Variants in RBPJ observed in about 807,000 individuals in gnomAD.
RBPJ encodes recombining binding protein suppressor of hairless.
RBPJ carries 9 observed loss-of-function variants against 67.8 expected under a neutral mutation model. The ratio of observed to expected loss-of-function variants is 0.13; its 90% CI spans 0.08 to 0.23. RBPJ has a LOEUF of 0.23. RBPJ is among the 10% of genes least tolerant of loss of function. The pLI is 1.00. For synonymous variants in RBPJ, 198 were observed against 203.3 expected, an observed-to-expected ratio of 0.97 and a Z score of 0.22; for missense variants, 305 against 595.6, an observed-to-expected ratio of 0.51 and a Z score of 5.08.
intron 1 of RBPJ, chr4:26,343,132 T>A (rs1219758988): frequency 6.6e-6 from 1 of 152,218 alleles, no homozygotes; most frequent in Non-Finnish European, 1.5e-5. Flanking sequence ...ACACTTGCAA[T>A]GAATTCTGTG....
chr4:26,252,393 C>T (rs1187275018), intron 1 of RBPJ, among the ~76,000 whole-genome samples: 1 of 152,008 alleles, frequency 6.6e-6, no homozygotes, highest in African/African-American at 2.4e-5. Context: ...CCCAGGAGTT[C>T]GAGACCAGTT....
chr4:26,413,989 G>A (rs1482409163), intron 3 of RBPJ, among the ~76,000 whole-genome samples: 1 of 152,086 alleles, frequency 6.6e-6, no homozygotes, highest in East Asian at 1.9e-4. Context: ...GTGTGAGTGG[G>A]TATATATACA....
rs893938625 is a variant in RBPJ at position 26,433,511 on chromosome 4, G to A, written c.*2504G>A. On this transcript the variant is annotated 3_prime_UTR_variant, in exon 11 of 11. Transcript: ENST00000355476. ...TTCAAGTTCATGACCTTATTAAAAT[G>A]AACTTGTGTTTTTTTAACAAACATG... 7 of 152,136 alleles carry A rather than the reference G, an allele frequency of 4.6e-5. No homozygotes were observed. The highest frequency in any genetic ancestry group is 1.7e-4 in the African/African-American group (7 of 41,414). The allele number at this position is 152,136 out of a possible 1,614,324, so 9.4% of individuals were successfully genotyped here. A position where few individuals can be genotyped will look rare whatever the true frequency, so the allele number is the denominator to read the frequency against.
intron 1 of RBPJ, among the ~76,000 whole-genome samples, chr4:26,232,658 G>A (rs1480791353): frequency 2.6e-5 from 4 of 152,078 alleles, no homozygotes; most frequent in Non-Finnish European, 5.9e-5. Flanking sequence ...CAACAACAAC[G>A]ATAATAATAA....
rs531752521 is a variant in RBPJ at position 26,300,165 on chromosome 4, A to C, written c.-166-62281A>C. On this transcript the variant is annotated intron_variant, in intron 1 of 4. Transcript: ENST00000512351. Reference sequence around the variant, plus strand: ...AGAGTGTCCTTGGCCAAATCACTTGAATTTTGGGAGCCTTGTTTCTTCCTG... The same window carrying C: ...AGAGTGTCCTTGGCCAAATCACTTGCATTTTGGGAGCCTTGTTTCTTCCTG... 4.0e-5 allele frequency among the ~76,000 whole-genome samples: 6 copies of C among 151,706 alleles called. No individual in the cohort carries two copies. In the South Asian group the frequency reaches 1.3e-3, roughly 32 times the overall value.
chr4:26,244,186 T>C (rs7658106), intron 1 of RBPJ, among the ~76,000 whole-genome samples: 21,091 of 124,538 alleles, frequency 0.17, 2,212 homozygotes, highest in Non-Finnish European at 0.19. Flanking sequence ...CATATATGTA[T>C]ACATATATGT....
intron 1 of RBPJ, among the ~76,000 whole-genome samples, chr4:26,165,477 G>A (rs1327046955): frequency 6.6e-6 from 1 of 152,114 alleles, no homozygotes; most frequent in African/African-American, 2.4e-5. Flanking sequence ...ATACAAAATA[G>A]GCAAGGGTTA....
intron 1 of RBPJ, among the ~76,000 whole-genome samples, chr4:26,378,408 A>C (rs1459930022): frequency 1.3e-5 from 2 of 152,142 alleles, no homozygotes; most frequent in African/African-American, 4.8e-5. Context: ...CTTTCATATG[A>C]GAAGTTAATG....
intron 2 of RBPJ, among the ~76,000 whole-genome samples, chr4:26,395,597 C>T (rs1337129761): frequency 6.6e-6 from 1 of 152,064 alleles, no homozygotes; most frequent in Admixed American, 6.6e-5. Context: ...GAGTCTGGCA[C>T]CTCCCTTCCC....
intron 1 of RBPJ, among the ~76,000 whole-genome samples, chr4:26,304,076 A>G (rs1171566899): frequency 1.3e-5 from 2 of 152,118 alleles, no homozygotes; most frequent in Non-Finnish European, 2.9e-5. Context: ...TGCTGTCTCT[A>G]TAGATTTGCC....
rs71643604 is a variant in RBPJ, at chr4:26,254,843, A to ATTTTTTTTTTTTT, written c.-167+91254_-167+91266dup. ...CAGGTGCATGCCACCATGCCCAGCT[A>ATTTTTTTTTTTTT]TTTTTTTTTTTTTTTTTTTTTTTTT... is the stretch of plus-strand genomic sequence containing the variant. On this transcript the variant is annotated intron_variant, in intron 1 of 4. Transcript: ENST00000512351. 1.8e-4 allele frequency among the ~76,000 whole-genome samples: 3 copies of ATTTTTTTTTTTTT among 16,548 alleles called. 1 individual carries two copies. Among genetic ancestry groups the ATTTTTTTTTTTTT allele is most frequent in the Admixed American group, 1.5e-3 (2 of 1,296 alleles). 10.9% of individuals were successfully genotyped at this position (16,548 alleles called of 152,430 possible). A position where few individuals can be genotyped will look rare whatever the true frequency, so the allele number is the denominator to read the frequency against.
intron 1 of RBPJ, among the ~76,000 whole-genome samples, chr4:26,257,030 C>T (rs942734538): frequency 4.6e-5 from 7 of 152,188 alleles, no homozygotes; most frequent in Non-Finnish European, 8.8e-5. Context: ...ACAAAACGAT[C>T]AGTCCATTAA....
intron 3 of RBPJ, among the ~76,000 whole-genome samples, chr4:26,407,711 A>G (rs1577633558): frequency 6.6e-6 from 1 of 152,218 alleles, no homozygotes; most frequent in Non-Finnish European, 1.5e-5. Flanking sequence ...TTGTGAAAGG[A>G]ATGAGTAGAA....
intron 1 of RBPJ, among the ~76,000 whole-genome samples, chr4:26,303,412 C>CTG: frequency 7.3e-6 from 1 of 137,570 alleles, no homozygotes; most frequent in South Asian, 2.2e-4. Flanking sequence ...CTACAGTGAG[C>CTG]TGTGATTGTG....
chr4:26,167,533 A>T lies in RBPJ; in HGVS notation c.-167+3919A>T, dbSNP rs1195120661. Among the ~76,000 whole-genome samples the T allele has an allele frequency of 2.1e-5, 3 of 145,758 alleles. No individual in the cohort carries two copies. In the Admixed American group the frequency reaches 2.1e-4, roughly 10 times the overall value. ...CTCTCTGTTTGTCTGTTATTGGTGT[A>T]TAAGAATGCTTGTGATTTTTGTACA... is the stretch of plus-strand genomic sequence containing the variant. On this transcript the variant is annotated intron_variant, in intron 1 of 4. Coordinates refer to the RBPJ transcript ENST00000512351.
intron 1 of RBPJ, among the ~76,000 whole-genome samples, chr4:26,369,161 G>A (rs565870041): frequency 3.9e-5 from 6 of 152,284 alleles, no homozygotes; most frequent in African/African-American, 1.4e-4. Context: ...TGGCAGAACA[G>A]GTCATACTCT....
intron 1 of RBPJ, among the ~76,000 whole-genome samples, chr4:26,277,274 C>CAA (rs754017128): frequency 3.4e-4 from 38 of 113,432 alleles, no homozygotes; most frequent in Middle Eastern, 5.0e-3. Flanking sequence ...CCTGTTTGTT[C>CAA]AAAAAAAAAA....
chr4:26,318,129 GCACACA>G (rs33941779), upstream of RBPJ, among the ~76,000 whole-genome samples: 390 of 146,840 alleles, frequency 2.7e-3, no homozygotes, highest in Middle Eastern at 7.2e-3. Flanking sequence ...ACACACACAC[GCACACA>G]CACACACACA....
upstream of RBPJ, among the ~76,000 whole-genome samples, chr4:26,162,425 C>T (rs115665670): frequency 8.7e-3 from 1,326 of 152,340 alleles, 7 homozygotes; most frequent in Non-Finnish European, 0.013. Flanking sequence ...AGAGAGGTCA[C>T]GTGCTGTGCC....
Sources: gnomAD v4.1 joint callset for allele counts (sites outside exome capture counted in the v4.1 genomes callset) on GRCh38, gnomAD v4.1.1 for gene constraint, MANE v1.5 for transcripts, NCBI Gene and HGNC (gene_info 2026-07-23, HGNC 2026-07-21) for gene names.